Variants in CENPC observed in about 807,000 individuals in gnomAD.
The protein encoded by CENPC is CENP-C 1.
CENPC carries 63 observed loss-of-function variants against 112.1 expected under a neutral mutation model. The observed-to-expected ratio is 0.56, with a 90% CI of 0.46 to 0.69. CENPC has a LOEUF of 0.69. Among genes scored for constraint, CENPC ranks in the 30% least tolerant of loss-of-function variants. CENPC has a pLI of 0.00. For synonymous variants in CENPC, 333 were observed against 367.6 expected (o/e 0.91, Z 1.08); for missense variants, 1,000 against 1,103.8 (o/e 0.91, Z 1.33).
intron 4 of CENPC, among the ~76,000 whole-genome samples, chr4:67,532,984 CAA>C (rs1726603007): frequency 1.3e-5 from 2 of 152,120 alleles, no homozygotes; most frequent in African/African-American, 4.8e-5. Context: ...AGTGAAGCAC[CAA>C]ATGTGGATGG....
intron 12 of CENPC, among the ~76,000 whole-genome samples, chr4:67,498,983 C>T (rs1027686014): frequency 6.6e-5 from 10 of 152,188 alleles, no homozygotes; most frequent in Non-Finnish European, 1.5e-4. Flanking sequence ...CAAATTATTC[C>T]TTGATCCATG....
At chr4:67,522,494 G>A (rs1726255461) in intron 5 of CENPC, among the ~76,000 whole-genome samples, 1 of 152,024 alleles carries the variant, frequency 6.6e-6, no homozygotes, top group Non-Finnish European at 1.5e-5. Context: ...ACAGCATATT[G>A]TCTGGGTTCC....
chr4:67,476,803 T>A (rs1016139560), intron 17 of CENPC, among the ~76,000 whole-genome samples: 4 of 152,192 alleles, frequency 2.6e-5, no homozygotes, highest in Non-Finnish European at 5.9e-5. Context: ...GCTCACTGGC[T>A]GTCTGGATAC....
At chr4:67,473,629 C>T (rs188257033) in intron 18 of CENPC, among the ~76,000 whole-genome samples, 121 of 151,584 alleles carry the variant, frequency 8.0e-4, no homozygotes, top group Admixed American at 1.5e-3. Context: ...CACAGCTCAC[C>T]GCAACTTTGA....
chr4:67,477,934 C>T (rs185885788), intron 17 of CENPC, among the ~76,000 whole-genome samples: 200 of 151,318 alleles, frequency 1.3e-3, no homozygotes, highest in African/African-American at 4.5e-3. Context: ...ACAATAGAAT[C>T]GAACGAGTAG....
In CENPC at chr4:67,472,351, T is replaced by C. The variant is rs1423408734; in HGVS notation, c.*254A>G. 4 of 306,318 alleles carry C rather than the reference T, an allele frequency of 1.3e-5. No homozygotes were observed. Among genetic ancestry groups the C allele is most frequent in the Non-Finnish European group, 1.6e-5 (3 of 186,590 alleles). The allele number at this position is 306,318 out of a possible 1,614,324, so 19.0% of individuals were successfully genotyped here. ...TGACACAGAAATGTTCTATATTTCA[T>C]TTTCATATTCTTGTCAAATTATAAA... is the stretch of plus-strand genomic sequence containing the variant. On this transcript the variant is annotated 3_prime_UTR_variant, in exon 19 of 19. Coordinates refer to ENST00000273853, the MANE Select transcript of CENPC (RefSeq NM_001812.4).
intron 7 of CENPC, 56 bp downstream of exon 7, chr4:67,518,100 T>C: frequency 2.1e-6 from 2 of 937,250 alleles, no homozygotes; most frequent in South Asian, 4.0e-5. Flanking sequence ...TCCTTATATA[T>C]GGTTCATAGA....
At chr4:67,503,405 C>A (rs1577985518) in intron 12 of CENPC, among the ~76,000 whole-genome samples, 1 of 152,188 alleles carries the variant, frequency 6.6e-6, no homozygotes, top group South Asian at 2.1e-4. Flanking sequence ...GCCCATCTAC[C>A]TAAAAATGTA....
At chr4:67,526,138 G>A (rs1726369083) in intron 5 of CENPC, among the ~76,000 whole-genome samples, 1 of 152,018 alleles carries the variant, frequency 6.6e-6, no homozygotes, top group Non-Finnish European at 1.5e-5. Context: ...GACACAGGGA[G>A]GGAAACATCA....
At position 67,514,208 on chromosome 4, in the gene CENPC, C is replaced by T; in HGVS notation, c.1310G>A (p.Gly437Glu). The change falls in exon 8 of 19, where the codon GGA becomes GAA. Residue 437 changes from glycine to glutamate, a missense_variant. By Grantham distance (98) the Gly-to-Glu change is moderately conservative. Transcript: ENST00000273853. ...ATGTATGTTTTCATCTTTAGACTGT[C>T]CCACATCAAGCTGTTCTTCAGCTGG... ...AKPAEEQLDVGQSKDENIHTS... is the reference protein window; with the variant it reads ...AKPAEEQLDVEQSKDENIHTS... 6.2e-7 allele frequency: 1 copy of T among 1,613,142 alleles called. No individual in the cohort carries two copies. The highest frequency in any genetic ancestry group is 8.5e-7 in the Non-Finnish European group (1 of 1,179,628).
chr4:67,490,613 T>C (rs1725213582), intron 16 of CENPC, among the ~76,000 whole-genome samples: 2 of 151,536 alleles, frequency 1.3e-5, no homozygotes, highest in Non-Finnish European at 2.9e-5. Flanking sequence ...TGCCAATAGA[T>C]TTTTTTTCCT....
intron 5 of CENPC, among the ~76,000 whole-genome samples, chr4:67,525,637 G>C (rs1273071446): frequency 6.6e-6 from 1 of 152,188 alleles, no homozygotes. Context: ...TCTCACACCA[G>C]TTAGAATAGT....
chr4:67,503,790 C>CA (rs955989635), intron 12 of CENPC, among the ~76,000 whole-genome samples: 4 of 150,896 alleles, frequency 2.7e-5, no homozygotes, highest in Admixed American at 6.6e-5. Context: ...CACTAGAACA[C>CA]AAAAAAAACT....
At chr4:67,507,317 G>A (rs1158543144) in intron 10 of CENPC, among the ~76,000 whole-genome samples, 1 of 152,134 alleles carries the variant, frequency 6.6e-6, no homozygotes, top group Admixed American at 6.6e-5. Context: ...AGGGGCAATA[G>A]GGTCCTCAGA....
intron 17 of CENPC, among the ~76,000 whole-genome samples, chr4:67,484,706 ATTTCT>A (rs1214594575): frequency 6.6e-6 from 1 of 152,086 alleles, no homozygotes; most frequent in South Asian, 2.1e-4. Context: ...ACAGGAAGAG[ATTTCT>A]TTTATTTTTC....
intron 17 of CENPC, among the ~76,000 whole-genome samples, chr4:67,489,547 T>C (rs1725183318): frequency 6.6e-6 from 1 of 152,084 alleles, no homozygotes; most frequent in African/African-American, 2.4e-5. Context: ...TTAATACCTG[T>C]ATGCAATGCA....
chr4:67,492,236 T>A lies in CENPC; in HGVS notation c.2459A>T (p.Asp820Val). 6.4e-7 allele frequency: 1 copy of A among 1,568,904 alleles called. No homozygotes were observed. Among genetic ancestry groups the A allele is most frequent in the Non-Finnish European group, 8.7e-7 (1 of 1,154,780 alleles). The change falls in exon 16 of 19, where the codon GAT becomes GTT. Residue 820 changes from aspartate to valine, a missense_variant. By Grantham distance (152) the Asp-to-Val change is radical. Coordinates refer to ENST00000273853, the MANE Select transcript of CENPC (RefSeq NM_001812.4). ...CTTTACCCTCGTTGGCTGCAAAGGA[T>A]CTCCAAGAGGTATACCTAGATTTAC... ...LMVNLGIPLG[D>V]PLQPTRVKDP...
intron 5 of CENPC, among the ~76,000 whole-genome samples, chr4:67,522,213 ATAAC>A (rs1726248114): frequency 6.6e-6 from 1 of 152,250 alleles, no homozygotes; most frequent in Admixed American, 6.5e-5. Context: ...GACAACAGAA[ATAAC>A]TAACAGTAGT....
intron 12 of CENPC, among the ~76,000 whole-genome samples, chr4:67,499,648 C>T (rs905009166): frequency 3.3e-5 from 5 of 152,194 alleles, no homozygotes; most frequent in Admixed American, 3.3e-4. Context: ...TCTATATCAG[C>T]AGTAAGGCAG....
Sources: allele counts gnomAD v4.1 joint callset (sites outside exome capture counted in the v4.1 genomes callset), GRCh38; gene constraint gnomAD v4.1.1; transcripts MANE v1.5; gene names NCBI Gene and HGNC (gene_info 2026-07-23, HGNC 2026-07-21).